CYTH3: variants seen among roughly 807,000 people sequenced by gnomAD.
CYTH3 encodes cytohesin 3.
Under a neutral mutation model 55.1 loss-of-function variants are expected in CYTH3, and 23 were observed. That is an observed-to-expected ratio of 0.42 (90% CI 0.30 to 0.59). The LOEUF (loss-of-function observed/expected upper bound fraction) is 0.59. Ranked by LOEUF, CYTH3 falls within the 20% of genes least tolerant of loss-of-function variation. CYTH3 has a pLI of 0.20. For synonymous variants in CYTH3, 249 were observed against 194.9 expected (o/e 1.28, Z -2.31); for missense variants, 413 against 524.8 (o/e 0.79, Z 2.08).
chr7:6,245,949 A>G (rs970366864), intron 1 of CYTH3, among the ~76,000 whole-genome samples: 5 of 152,124 alleles, frequency 3.3e-5, no homozygotes, highest in Admixed American at 6.5e-5. Context: ...AAATGATCTA[A>G]ATTTCTAAAC....
chr7:6,240,017 A>AT (rs1779631944), intron 1 of CYTH3, among the ~76,000 whole-genome samples: 1 of 152,202 alleles, frequency 6.6e-6, no homozygotes. Flanking sequence ...ATCAGAATGA[A>AT]ATTAGAGGCT....
intron 1 of CYTH3, among the ~76,000 whole-genome samples, chr7:6,208,765 G>A (rs369570571): frequency 2.9e-4 from 44 of 152,180 alleles, no homozygotes; most frequent in African/African-American, 6.7e-4. Context: ...GGTCTGAAGC[G>A]ATCCTCCCTC....
chr7:6,218,576 G>C (rs1305247675), intron 1 of CYTH3, among the ~76,000 whole-genome samples: 1 of 152,064 alleles, frequency 6.6e-6, no homozygotes, highest in East Asian at 1.9e-4. Flanking sequence ...ACAGAACTAG[G>C]GTGCAGCTAT....
At chr7:6,259,772 T>TATATATATATA (rs1491219669) in intron 1 of CYTH3, among the ~76,000 whole-genome samples, 1 of 30,496 alleles carries the variant, frequency 3.3e-5, no homozygotes, top group Non-Finnish European at 4.6e-5. Context: ...TATATATATA[T>TATATATATATA]TATATATATA....
chr7:6,199,202 CTT>C (rs1784005238), intron 1 of CYTH3, among the ~76,000 whole-genome samples: 1 of 152,198 alleles, frequency 6.6e-6, no homozygotes, highest in Non-Finnish European at 1.5e-5. Flanking sequence ...CTTCCACAAA[CTT>C]AGATCTGCAA....
chr7:6,190,311 A>C, intron 2 of CYTH3, 138 bp downstream of exon 2: 1 of 832,496 alleles, frequency 1.2e-6, no homozygotes, highest in Non-Finnish European at 1.8e-6. Flanking sequence ...TGCACACACT[A>C]AACATCTTTT....
At chr7:6,177,630 T>C (rs1479042430) in intron 5 of CYTH3, among the ~76,000 whole-genome samples, 193 bp downstream of exon 5, 1 of 152,216 alleles carries the variant, frequency 6.6e-6, no homozygotes, top group East Asian at 1.9e-4. Context: ...AATGCCTCTC[T>C]CCTCCCATGG....
At chr7:6,186,500 C>A (rs956630665) in intron 4 of CYTH3, among the ~76,000 whole-genome samples, 1 of 152,150 alleles carries the variant, frequency 6.6e-6, no homozygotes, top group African/African-American at 2.4e-5. Flanking sequence ...CCTAGAAAAT[C>A]CAACTTGAGG....
intron 1 of CYTH3, among the ~76,000 whole-genome samples, chr7:6,208,005 T>C (rs1268787702): frequency 6.6e-6 from 1 of 152,014 alleles, no homozygotes; most frequent in Non-Finnish European, 1.5e-5. Context: ...TAATAACTGT[T>C]CTATAGGATG....
At chr7:6,266,512 A>G (rs1167511308) in intron 1 of CYTH3, among the ~76,000 whole-genome samples, 1 of 152,196 alleles carries the variant, frequency 6.6e-6, no homozygotes, top group African/African-American at 2.4e-5. Context: ...TAAAATCTGC[A>G]TTCCTTAGCT....
chr7:6,270,060 TAA>T, intron 1 of CYTH3, among the ~76,000 whole-genome samples: 1 of 152,322 alleles, frequency 6.6e-6, no homozygotes, highest in African/African-American at 2.4e-5. Context: ...CGGTTTTCTT[TAA>T]AAGAGCTCAA....
At chr7:6,178,335 CT>C (rs1783399169) in intron 4 of CYTH3, among the ~76,000 whole-genome samples, 1 of 152,238 alleles carries the variant, frequency 6.6e-6, no homozygotes, top group African/African-American at 2.4e-5. Flanking sequence ...CCTGGCCCCA[CT>C]CCCAGGGACG....
At position 6,187,782 on chromosome 7, in the gene CYTH3, C is replaced by G. The variant is rs376463186; in HGVS notation, c.118-61G>C. 1.5e-5 allele frequency: 21 copies of G among 1,423,552 alleles called. No homozygotes were observed. The African/African-American group carries it at 2.5e-4, about 17-fold the overall frequency. 88.2% of individuals were successfully genotyped at this position (1,423,552 alleles called of 1,614,324 possible). A position where few individuals can be genotyped will look rare whatever the true frequency, so the allele number is the denominator to read the frequency against. ...GTCTTAACCTTCCTCCCCTGAGACT[C>G]AGAAATTTTAGTTCTCTTGTGACAA... On this transcript the variant is annotated intron_variant, in intron 2 of 12. Coordinates refer to ENST00000350796, the MANE Select transcript of CYTH3 (RefSeq NM_004227.4).
chr7:6,230,156 T>C (rs1011252060), intron 1 of CYTH3, among the ~76,000 whole-genome samples: 1 of 151,838 alleles, frequency 6.6e-6, no homozygotes, highest in Non-Finnish European at 1.5e-5. Flanking sequence ...AAAATAAACA[T>C]AAAATAAAAA....
At chr7:6,175,534 T>C (rs1055596284) in intron 5 of CYTH3, among the ~76,000 whole-genome samples, 4 of 147,170 alleles carry the variant, frequency 2.7e-5, no homozygotes, top group African/African-American at 7.6e-5. Flanking sequence ...GTCTTGACTA[T>C]ACACTTTAGT....
At chr7:6,202,654 G>C (rs185076238) in intron 1 of CYTH3, among the ~76,000 whole-genome samples, 1 of 151,984 alleles carries the variant, frequency 6.6e-6, no homozygotes, top group Non-Finnish European at 1.5e-5. Context: ...GTAGAAAAGG[G>C]GTTTCTCCAT....
intron 1 of CYTH3, among the ~76,000 whole-genome samples, chr7:6,236,650 CT>C (rs1288535503): frequency 1.3e-5 from 2 of 152,290 alleles, no homozygotes; most frequent in East Asian, 3.9e-4. Context: ...CCTCCACCTT[CT>C]GGGTTCAAGC....
chr7:6,231,081 C>T (rs1236616875), intron 1 of CYTH3, among the ~76,000 whole-genome samples: 1 of 152,178 alleles, frequency 6.6e-6, no homozygotes, highest in African/African-American at 2.4e-5. Context: ...CTGTACTAAC[C>T]CACGCCTTAG....
intron 1 of CYTH3, among the ~76,000 whole-genome samples, chr7:6,203,463 C>A (rs541019107): frequency 2.6e-4 from 40 of 152,184 alleles, no homozygotes; most frequent in African/African-American, 8.9e-4. Context: ...CTAGTCATTG[C>A]CACAGATTAT....
Sources: gnomAD v4.1 joint callset for allele counts (sites outside exome capture counted in the v4.1 genomes callset) on GRCh38, gnomAD v4.1.1 for gene constraint, MANE v1.5 for transcripts, NCBI Gene and HGNC (gene_info 2026-07-23, HGNC 2026-07-21) for gene names.